ZMIZ1: variants seen among roughly 807,000 people sequenced by gnomAD.
ZMIZ1 encodes zinc finger MIZ domain-containing protein 1.
Under a neutral mutation model 113.9 loss-of-function variants are expected in ZMIZ1, and 17 were observed. The observed-to-expected ratio is 0.15, with a 90% confidence interval of 0.10 to 0.22. The LOEUF (loss-of-function observed/expected upper bound fraction) is 0.22. Among genes scored for constraint, ZMIZ1 ranks in the 10% least tolerant of loss-of-function variants. The pLI, the probability that ZMIZ1 is intolerant of heterozygous loss-of-function variation, is 1.00. For missense variants in ZMIZ1, 1,059 were observed against 1,477.8 expected (o/e 0.72, Z 4.65); for synonymous variants, 607 against 603.1 (o/e 1.01, Z -0.09).
chr10:79,252,816 G>A (rs1350354584), intron 7 of ZMIZ1, among the ~76,000 whole-genome samples: 1 of 152,192 alleles, frequency 6.6e-6, no homozygotes, highest in African/African-American at 2.4e-5. Flanking sequence ...TAGGCACACT[G>A]CACCGTCAGT....
chr10:79,124,709 G>T (rs567939494), intron 2 of ZMIZ1, among the ~76,000 whole-genome samples: 1 of 152,194 alleles, frequency 6.6e-6, no homozygotes, highest in African/African-American at 2.4e-5. Flanking sequence ...AGACTTCCTG[G>T]TGGAGGGGTA....
At chr10:79,311,332 C>T (rs1338092289) in intron 24 of ZMIZ1, 148 bp downstream of exon 24, 1 of 1,331,906 alleles carries the variant, frequency 7.5e-7, no homozygotes, top group Non-Finnish European at 1.0e-6. Context: ...TGGCTCCAGA[C>T]CAGGAAGCCC....
intron 1 of ZMIZ1, among the ~76,000 whole-genome samples, chr10:79,115,044 T>A (rs1472503611): frequency 6.6e-6 from 1 of 152,224 alleles, no homozygotes; most frequent in East Asian, 1.9e-4. Context: ...AGTTGTGGGT[T>A]TAACAATCAG....
intron 7 of ZMIZ1, among the ~76,000 whole-genome samples, chr10:79,234,238 T>C (rs1428424321): frequency 6.6e-6 from 1 of 152,094 alleles, no homozygotes; most frequent in African/African-American, 2.4e-5. Flanking sequence ...AGGACACCAG[T>C]CTGCTGGGGT....
At chr10:79,310,505 G>A (rs1374852956) in intron 23 of ZMIZ1, among the ~76,000 whole-genome samples, 4 of 152,166 alleles carry the variant, frequency 2.6e-5, no homozygotes, top group Non-Finnish European at 4.4e-5. Flanking sequence ...CCCAGCTTGG[G>A]ATCTGCACCA....
chr10:79,188,368 A>G (rs1847437868), intron 4 of ZMIZ1, among the ~76,000 whole-genome samples: 2 of 151,944 alleles, frequency 1.3e-5, no homozygotes, highest in Admixed American at 1.3e-4. Flanking sequence ...CCTTCCAGGA[A>G]GTGTTCTGGG....
At chr10:79,173,012 A>G (rs921231337) in intron 4 of ZMIZ1, among the ~76,000 whole-genome samples, 1 of 152,176 alleles carries the variant, frequency 6.6e-6, no homozygotes, top group African/African-American at 2.4e-5. Context: ...ATTCACAGGA[A>G]TTAAAGGCAC....
rs145299702 is a variant in ZMIZ1 at position 79,311,056 on chromosome 10, C to T, written c.2968C>T (p.Pro990Ser). The change falls in exon 24 of 25, where the codon CCC (proline) becomes TCC (serine). Residue 990 changes from proline (P) to serine (S), a missense_variant. Pro to Ser is a moderately conservative substitution (Grantham distance 74). Coordinates refer to ENST00000334512, the MANE Select transcript of ZMIZ1 (RefSeq NM_020338.4). ...GAPPPPPSQP[P>S]RQPPQAAPSS... is the part of the protein sequence containing the mutation. ...TCCTCCTCCTCCTCCTTCCCAGCCT[C>T]CCCGGCAGCCGCCACAGGCCGCTCC... 2 of 1,613,512 alleles carry T rather than the reference C, an allele frequency of 1.2e-6. No homozygotes were observed. Among genetic ancestry groups the T allele is most frequent in the African/African-American group, 2.7e-5 (2 of 74,938 alleles).
chr10:79,215,594 T>C (rs563074005), intron 6 of ZMIZ1, among the ~76,000 whole-genome samples: 1 of 152,266 alleles, frequency 6.6e-6, no homozygotes, highest in East Asian at 1.9e-4. Context: ...CCACCACACC[T>C]GGCCTAAATC....
chr10:79,234,496 C>T (rs1849516962), intron 7 of ZMIZ1, among the ~76,000 whole-genome samples: 1 of 152,166 alleles, frequency 6.6e-6, no homozygotes, highest in South Asian at 2.1e-4. Context: ...AAAGATAATA[C>T]ATACTATGTG....
At chr10:79,176,011 A>G (rs1265566933) in intron 4 of ZMIZ1, among the ~76,000 whole-genome samples, 1 of 152,046 alleles carries the variant, frequency 6.6e-6, no homozygotes, top group Non-Finnish European at 1.5e-5. Flanking sequence ...CCTTTGTCTA[A>G]TGCTGGAGCT....
At chr10:79,259,443 T>A (rs1186856855) in intron 7 of ZMIZ1, among the ~76,000 whole-genome samples, 1 of 152,120 alleles carries the variant, frequency 6.6e-6, no homozygotes, top group African/African-American at 2.4e-5. Context: ...TGTGGCTTCT[T>A]CTGTTCCATG....
intron 7 of ZMIZ1, among the ~76,000 whole-genome samples, chr10:79,271,990 T>C (rs1851976831): frequency 1.3e-5 from 2 of 152,192 alleles, no homozygotes; most frequent in South Asian, 2.1e-4. Flanking sequence ...ACAGTAAGGC[T>C]GGGCTCAGTG....
At chr10:79,152,547 A>G (rs1198443606) in intron 3 of ZMIZ1, among the ~76,000 whole-genome samples, 1 of 152,240 alleles carries the variant, frequency 6.6e-6, no homozygotes, top group African/African-American at 2.4e-5. Flanking sequence ...AACAAGTTAA[A>G]TCAGATCTCC....
At position 79,162,136 on chromosome 10, in the gene ZMIZ1, A is replaced by G. The variant is rs1388077519; in HGVS notation, c.-50+3A>G. Reference sequence around the variant, plus strand: ...CTGGTGGTTTGCAGATCACTGAGGTAGGTGTGCCACGGGGCTGGCGGGAGG... The same window carrying G: ...CTGGTGGTTTGCAGATCACTGAGGTGGGTGTGCCACGGGGCTGGCGGGAGG... On this transcript the variant is annotated splice_donor_region_variant and intron_variant, in intron 4 of 24. Coordinates refer to ENST00000334512, the MANE Select transcript of ZMIZ1 (RefSeq NM_020338.4). 2.5e-6 allele frequency: 1 copy of G among 399,552 alleles called. No individual in the cohort carries two copies. The highest frequency in any genetic ancestry group is 4.4e-6 in the Non-Finnish European group (1 of 226,422). The allele number at this position is 399,552 out of a possible 1,614,324, so 24.8% of individuals were successfully genotyped here.
At chr10:79,202,369 T>A (rs963574161) in intron 5 of ZMIZ1, among the ~76,000 whole-genome samples, 2 of 151,394 alleles carry the variant, frequency 1.3e-5, no homozygotes, top group African/African-American at 4.9e-5. Flanking sequence ...TTTGGGAGGC[T>A]AAGGGAGGAG....
intron 4 of ZMIZ1, among the ~76,000 whole-genome samples, chr10:79,193,416 T>C (rs1367992632): frequency 6.6e-6 from 1 of 152,198 alleles, no homozygotes; most frequent in African/African-American, 2.4e-5. Context: ...CTCAACGGGG[T>C]AACCAGTGTC....
chr10:79,212,387 T>A (rs1208549279), intron 6 of ZMIZ1, among the ~76,000 whole-genome samples: 1 of 151,976 alleles, frequency 6.6e-6, no homozygotes, highest in Non-Finnish European at 1.5e-5. Flanking sequence ...CCCAGGATGG[T>A]CTCAAACTCC....
intron 8 of ZMIZ1, among the ~76,000 whole-genome samples, chr10:79,277,977 CCT>C (rs1852409444): frequency 6.6e-6 from 1 of 152,220 alleles, no homozygotes. Flanking sequence ...TCTGCTCTCC[CCT>C]GTGTGTGTCT....
Sources: allele counts gnomAD v4.1 joint callset (sites outside exome capture counted in the v4.1 genomes callset), GRCh38; gene constraint gnomAD v4.1.1; transcripts MANE v1.5; gene names NCBI Gene and HGNC (gene_info 2026-07-23, HGNC 2026-07-21).